SCOC: variants seen among roughly 807,000 people sequenced by gnomAD.
SCOC encodes short coiled coil protein.
SCOC carries 7 observed loss-of-function variants against 9.9 expected under a neutral mutation model. That is an observed-to-expected ratio of 0.71 (90% CI 0.40 to 1.33). The LOEUF (loss-of-function observed/expected upper bound fraction) is 1.33. Ranked by LOEUF, SCOC falls within the 40% of genes most tolerant of loss-of-function variation. The probability of loss-of-function intolerance (pLI) is 0.01; values close to 1 mark genes in which losing one functional copy is unlikely to be tolerated. For synonymous variants in SCOC, 19 were observed against 28.2 expected, an observed-to-expected ratio of 0.67 and a Z score of 1.03; for missense variants, 66 against 89.7, an observed-to-expected ratio of 0.74 and a Z score of 1.07.
At chr4:140,277,318 G>T (rs1172926074) in intron 1 of SCOC, among the ~76,000 whole-genome samples, 1 of 152,130 alleles carries the variant, frequency 6.6e-6, no homozygotes, top group Admixed American at 6.5e-5. Context: ...ATGAGTTGGG[G>T]GGGGCAGGGG....
chr4:140,301,320 A>G (rs1405029505), intron 1 of SCOC, among the ~76,000 whole-genome samples: 5 of 152,182 alleles, frequency 3.3e-5, no homozygotes, highest in African/African-American at 9.7e-5. Context: ...ATCTGTCTTC[A>G]ACTGATCTCT....
chr4:140,368,889 C>T (rs556285777), upstream of SCOC, among the ~76,000 whole-genome samples: 2 of 152,208 alleles, frequency 1.3e-5, no homozygotes, highest in Non-Finnish European at 2.9e-5. Flanking sequence ...ACTCAGCTTT[C>T]AGCTTATTTT....
At chr4:140,263,456 C>T (rs1278181814) in intron 1 of SCOC, among the ~76,000 whole-genome samples, 2 of 152,166 alleles carry the variant, frequency 1.3e-5, no homozygotes, top group Non-Finnish European at 2.9e-5. Flanking sequence ...ACGTGCAGAG[C>T]AGCTGTGGGT....
At chr4:140,311,962 C>T (rs1260106556) in intron 1 of SCOC, among the ~76,000 whole-genome samples, 2 of 152,044 alleles carry the variant, frequency 1.3e-5, no homozygotes, top group African/African-American at 2.4e-5. Context: ...GAAAGTATGC[C>T]GTACTTTAAA....
At chr4:140,342,603 AT>A (rs148474834), upstream of SCOC, among the ~76,000 whole-genome samples, 4,554 of 152,258 alleles carry the variant, frequency 0.03, 239 homozygotes, top group African/African-American at 0.1. Context: ...AATAAAAAAA[AT>A]ATTATATGTA....
intron 1 of SCOC, among the ~76,000 whole-genome samples, chr4:140,321,735 C>A (rs911448818): frequency 1.3e-5 from 2 of 152,070 alleles, no homozygotes; most frequent in Non-Finnish European, 2.9e-5. Flanking sequence ...TTTGAAATCC[C>A]AGAATGAGAA....
chr4:140,380,565 A>C (rs907113623), intron 3 of SCOC, among the ~76,000 whole-genome samples: 1 of 152,176 alleles, frequency 6.6e-6, no homozygotes, highest in African/African-American at 2.4e-5. Flanking sequence ...TTACAATACA[A>C]GATGATAAGT....
At chr4:140,279,783 A>AT (rs1446732031) in intron 1 of SCOC, among the ~76,000 whole-genome samples, 1 of 151,984 alleles carries the variant, frequency 6.6e-6, no homozygotes, top group African/African-American at 2.4e-5. Context: ...CAGAACTTAT[A>AT]TTTTTTTCTC....
chr4:140,352,250 T>A (rs185330420), intron 2 of SCOC, among the ~76,000 whole-genome samples: 19 of 152,370 alleles, frequency 1.2e-4, no homozygotes, highest in African/African-American at 3.6e-4. Flanking sequence ...TTGGAAATGT[T>A]GTTTTTAGTG....
At position 140,355,226 on chromosome 4, in the gene SCOC, T is replaced by TGATATATATATATATG. The variant is rs9308116; in HGVS notation, c.70+11518_70+11519insGATATATATATATATG. On this transcript the variant is annotated intron_variant, in intron 2 of 4. Coordinates refer to the SCOC transcript ENST00000338517. ...CATTATATTTTTATATATATATATATATATATATATATATATATATATAAT... is the reference window on the plus strand; with the variant it reads ...CATTATATTTTTATATATATATATATGATATATATATATATGATATATATATATATATATATATAAT... 4.1e-5 allele frequency among the ~76,000 whole-genome samples: 5 copies of TGATATATATATATATG among 122,108 alleles called. No individual in the cohort carries two copies. In the South Asian group the frequency reaches 1.1e-3, roughly 26 times the overall value. The allele number at this position is 122,108 out of a possible 152,430, so 80.1% of individuals were successfully genotyped here.
intron 1 of SCOC, among the ~76,000 whole-genome samples, chr4:140,319,458 T>C (rs1196829672): frequency 1.3e-5 from 2 of 152,086 alleles, no homozygotes; most frequent in Non-Finnish European, 2.9e-5. Context: ...TGAGCCCATA[T>C]GAAACACAGC....
chr4:140,343,619 A>G lies in SCOC; in HGVS notation c.-18-2A>G, dbSNP rs373659156. 11 of 1,604,268 alleles carry G rather than the reference A, an allele frequency of 6.9e-6. No individual in the cohort carries two copies. In the African/African-American group the frequency reaches 1.3e-4, roughly 20 times the overall value. ...CTCTGCCCTCATTTTTCTTACTAAC[A>G]GGTCTGAAAATTGAACAAGATGGAC... On this transcript the variant is annotated splice_acceptor_variant, in intron 1 of 4. Coordinates refer to the SCOC transcript ENST00000338517. LOFTEE classifies it low-confidence loss of function (5UTR_SPLICE).
intron 1 of SCOC, among the ~76,000 whole-genome samples, chr4:140,275,936 GC>G (rs1472134808): frequency 1.4e-5 from 2 of 148,122 alleles, no homozygotes; most frequent in African/African-American, 5.0e-5. Flanking sequence ...CGATTCTTCT[GC>G]CTCAGCCTCC....
chr4:140,373,358 C>T (rs1286911830), upstream of SCOC: 3 of 1,438,036 alleles, frequency 2.1e-6, no homozygotes, highest in Non-Finnish European at 2.7e-6. Context: ...TCCTGATAGA[C>T]CTGATGAGCC....
At chr4:140,354,025 A>G (rs569674954) in intron 2 of SCOC, among the ~76,000 whole-genome samples, 1 of 152,224 alleles carries the variant, frequency 6.6e-6, no homozygotes, top group African/African-American at 2.4e-5. Flanking sequence ...GTTGTTTGAA[A>G]AGCTTGTATT....
At chr4:140,344,275 T>G (rs1726622838) in intron 2 of SCOC, among the ~76,000 whole-genome samples, 1 of 152,168 alleles carries the variant, frequency 6.6e-6, no homozygotes, top group Non-Finnish European at 1.5e-5. Context: ...TGCACAATGT[T>G]AACTGGAAAC....
intron 1 of SCOC, among the ~76,000 whole-genome samples, chr4:140,288,620 C>T (rs1731373588): frequency 6.6e-6 from 1 of 151,904 alleles, no homozygotes. Flanking sequence ...ACACATCATA[C>T]ACATACATAA....
At chr4:140,265,389 C>G (rs1730711717) in intron 1 of SCOC, among the ~76,000 whole-genome samples, 1 of 152,152 alleles carries the variant, frequency 6.6e-6, no homozygotes, top group Non-Finnish European at 1.5e-5. Flanking sequence ...TTGCATGTAT[C>G]TTCTGTTAAA....
intron 1 of SCOC, among the ~76,000 whole-genome samples, chr4:140,297,272 G>A (rs113392709): frequency 0.1 from 12,206 of 117,280 alleles, 600 homozygotes; most frequent in Middle Eastern, 0.14. Context: ...GTGACTGTGG[G>A]GGGGGGGGCA....
Sources: allele counts gnomAD v4.1 joint callset (sites outside exome capture counted in the v4.1 genomes callset), GRCh38; gene constraint gnomAD v4.1.1; transcripts MANE v1.5; gene names NCBI Gene and HGNC (gene_info 2026-07-23, HGNC 2026-07-21).